Variants in TMEM232 observed in about 807,000 individuals in gnomAD.
TMEM232 encodes transmembrane protein 232.
TMEM232 carries 80 observed loss-of-function variants against 78.8 expected under a neutral mutation model. The ratio of observed to expected loss-of-function variants is 1.01; its 90% confidence interval spans 0.85 to 1.22. The LOEUF is 1.22. Ranked by LOEUF, TMEM232 falls within the 50% of genes most tolerant of loss-of-function variation. TMEM232 has a pLI of 0.00. For synonymous variants in TMEM232, 297 were observed against 254.3 expected (o/e 1.17, Z -1.60); for missense variants, 881 against 742.2 (o/e 1.19, Z -2.17).
At chr5:110,425,838 G>A (rs1757174659) in intron 12 of TMEM232, among the ~76,000 whole-genome samples, 1 of 151,980 alleles carries the variant, frequency 6.6e-6, no homozygotes, top group East Asian at 1.9e-4. Flanking sequence ...AGCCAGAATT[G>A]TTTTCAAAAT....
At chr5:110,612,493 T>C (rs776070515) in intron 8 of TMEM232, among the ~76,000 whole-genome samples, 31 of 152,148 alleles carry the variant, frequency 2.0e-4, no homozygotes, top group Non-Finnish European at 2.6e-4. Context: ...TGGAATGCTC[T>C]AGGTTAGACC....
chr5:110,528,922 C>A, intron 11 of TMEM232, 87 bp from the exon 12 acceptor site: 1 of 1,117,188 alleles, frequency 9.0e-7, no homozygotes, highest in Non-Finnish European at 1.1e-6. Flanking sequence ...TTTAAAGTAT[C>A]TTTATTTTCT....
At chr5:110,575,372 G>A (rs1777459508) in intron 10 of TMEM232, among the ~76,000 whole-genome samples, 1 of 152,004 alleles carries the variant, frequency 6.6e-6, no homozygotes, top group East Asian at 1.9e-4. Flanking sequence ...TTAGAATGTG[G>A]TAGTTGATTG....
chr5:110,706,659 A>C (rs966386516), intron 1 of TMEM232, among the ~76,000 whole-genome samples: 1 of 152,154 alleles, frequency 6.6e-6, no homozygotes, highest in Non-Finnish European at 1.5e-5. Flanking sequence ...CATCACATTG[A>C]ATATTCTTCC....
intron 2 of TMEM232, among the ~76,000 whole-genome samples, chr5:110,406,273 C>T (rs397884541): frequency 0.14 from 19,342 of 138,782 alleles, 1,926 homozygotes; most frequent in African/African-American, 0.32. Context: ...TATACACACA[C>T]ACACACACAC....
intron 10 of TMEM232, among the ~76,000 whole-genome samples, chr5:110,600,860 A>G (rs1264067671): frequency 6.6e-6 from 1 of 151,894 alleles, no homozygotes; most frequent in Non-Finnish European, 1.5e-5. Context: ...CACAACAAAA[A>G]AAGGTTTCAG....
intron 1 of TMEM232, among the ~76,000 whole-genome samples, chr5:110,677,747 T>C (rs926527689): frequency 2.6e-5 from 4 of 152,110 alleles, no homozygotes; most frequent in Non-Finnish European, 5.9e-5. Flanking sequence ...ATTTTGAAAA[T>C]ACAGCAAAAT....
At chr5:110,522,779 T>C (rs1290877269) in intron 12 of TMEM232, among the ~76,000 whole-genome samples, 1 of 152,154 alleles carries the variant, frequency 6.6e-6, no homozygotes, top group East Asian at 1.9e-4. Context: ...TTAGTCATGA[T>C]GTATGATTAT....
chr5:110,508,343 G>A (rs1767200340), intron 12 of TMEM232, among the ~76,000 whole-genome samples: 1 of 151,700 alleles, frequency 6.6e-6, no homozygotes, highest in African/African-American at 2.4e-5. Flanking sequence ...ATTAGTGTTG[G>A]ATGTAGATGT....
At chr5:110,430,254 A>C (rs977918856) in intron 12 of TMEM232, among the ~76,000 whole-genome samples, 9 of 151,848 alleles carry the variant, frequency 5.9e-5, no homozygotes, top group Non-Finnish European at 1.2e-4. Flanking sequence ...TTATTGCTCA[A>C]AGTTTTCTCT....
In TMEM232 at chr5:110,389,020, G is replaced by A. The variant is rs111514576; in HGVS notation, n.616-967C>T. ...TCATGCCTGTAATCCCAGCACTTTG[G>A]GAAGCCGAGGCAGGTGGATCATCTG... On this transcript the variant is annotated intron_variant and non_coding_transcript_variant, in intron 4 of 8. Coordinates refer to the TMEM232 transcript ENST00000507188. Among the ~76,000 whole-genome samples, 1,293 of 152,260 alleles carry A rather than the reference G, an allele frequency of 8.5e-3. 9 individuals are homozygous for A. The highest frequency in any genetic ancestry group is 0.012 in the Non-Finnish European group (794 of 68,020).
intron 10 of TMEM232, among the ~76,000 whole-genome samples, chr5:110,594,558 T>A (rs758877283): frequency 1.7e-4 from 26 of 152,158 alleles, no homozygotes; most frequent in Non-Finnish European, 2.9e-4. Flanking sequence ...AACTACTGTC[T>A]TGAAATTCTT....
intron 2 of TMEM232, among the ~76,000 whole-genome samples, chr5:110,410,601 C>A (rs1001401159): frequency 2.6e-5 from 4 of 152,144 alleles, no homozygotes; most frequent in African/African-American, 4.8e-5. Flanking sequence ...GTTGAGAAAT[C>A]TATATTTAAT....
chr5:110,453,882 T>C (rs1464388861), intron 12 of TMEM232, among the ~76,000 whole-genome samples: 2 of 147,646 alleles, frequency 1.4e-5, no homozygotes, highest in South Asian at 2.1e-4. Context: ...CAGTGTGATA[T>C]AGACAAGGAA....
intron 11 of TMEM232, among the ~76,000 whole-genome samples, chr5:110,548,404 A>G (rs1230056112): frequency 6.7e-6 from 1 of 149,914 alleles, no homozygotes; most frequent in East Asian, 1.9e-4. Flanking sequence ...AAAATATTAT[A>G]AGACATTTTC....
At chr5:110,414,353 C>T (rs1034205463) in intron 2 of TMEM232, among the ~76,000 whole-genome samples, 3 of 152,114 alleles carry the variant, frequency 2.0e-5, no homozygotes, top group Admixed American at 2.0e-4. Flanking sequence ...ATTTGGAGCT[C>T]AGCAGACAAT....
intron 12 of TMEM232, among the ~76,000 whole-genome samples, chr5:110,432,868 A>C (rs773949761): frequency 2.1e-4 from 32 of 151,762 alleles, no homozygotes; most frequent in Non-Finnish European, 3.1e-4. Flanking sequence ...CTTTAAACCA[A>C]CAACAGTCAA....
chr5:110,639,225 A>C (rs1786328548), intron 4 of TMEM232, among the ~76,000 whole-genome samples: 1 of 152,236 alleles, frequency 6.6e-6, no homozygotes, highest in African/African-American at 2.4e-5. Context: ...GAAGCTGTTG[A>C]GTGGAGGGTG....
At chr5:110,723,988 G>A (rs1187209194) in intron 1 of TMEM232, among the ~76,000 whole-genome samples, 2 of 152,130 alleles carry the variant, frequency 1.3e-5, no homozygotes, top group African/African-American at 4.8e-5. Flanking sequence ...ACAGAAGCCT[G>A]GAACATTTAT....
Sources: allele counts gnomAD v4.1 joint callset (sites outside exome capture counted in the v4.1 genomes callset), GRCh38; gene constraint gnomAD v4.1.1; transcripts MANE v1.5; gene names NCBI Gene and HGNC (gene_info 2026-07-23, HGNC 2026-07-21).